CBLB: variants seen among roughly 807,000 people sequenced by gnomAD.
CBLB encodes the protein Cbl proto-oncogene B.
Under a neutral mutation model 104.9 loss-of-function variants are expected in CBLB, and 31 were observed. That is an observed-to-expected ratio of 0.30 (90% CI 0.22 to 0.40). The LOEUF (loss-of-function observed/expected upper bound fraction) is 0.40, where lower values mean the gene tolerates loss of function less well. Ranked by LOEUF, CBLB falls within the 10% of genes least tolerant of loss-of-function variation. CBLB has a pLI of 1.00. For missense variants in CBLB, 1,062 were observed against 1,214.6 expected, an observed-to-expected ratio of 0.87 and a Z score of 1.87; for synonymous variants, 440 against 422.6, an observed-to-expected ratio of 1.04 and a Z score of -0.51.
chr3:105,840,935 A>C (rs1001511491), intron 3 of CBLB, among the ~76,000 whole-genome samples: 3 of 152,242 alleles, frequency 2.0e-5, no homozygotes, highest in Admixed American at 2.0e-4. Context: ...GCTTGAAATG[A>C]AAAGTCTTTG....
chr3:105,823,016 G>C (rs896716597), intron 3 of CBLB, among the ~76,000 whole-genome samples: 1 of 152,078 alleles, frequency 6.6e-6, no homozygotes. Context: ...TATAGAATCC[G>C]TTCAATGCCC....
rs1470859066 is a variant in CBLB, at chr3:105,681,710, T to C, written c.2296+14A>G. On this transcript the variant is annotated intron_variant, in intron 15 of 18. Coordinates refer to ENST00000394030, the MANE Select transcript of CBLB (RefSeq NM_170662.5). ...AAGATGTACATCACAAAGGAAATTA[T>C]ATTCTATACGTACCCTTTAAATATA... 2.5e-6 allele frequency: 4 copies of C among 1,597,592 alleles called. No homozygotes were observed. The highest frequency in any genetic ancestry group is 8.6e-7 in the Non-Finnish European group (1 of 1,165,032).
At chr3:105,708,660 A>T (rs2070592520) in intron 10 of CBLB, among the ~76,000 whole-genome samples, 1 of 151,962 alleles carries the variant, frequency 6.6e-6, no homozygotes, top group Non-Finnish European at 1.5e-5. Context: ...TTCAGTTATA[A>T]TATAAAGAGG....
intron 18 of CBLB, among the ~76,000 whole-genome samples, chr3:105,661,095 G>C (rs75796773): frequency 0.03 from 4,543 of 151,804 alleles, 132 homozygotes; most frequent in East Asian, 0.13. Context: ...GAGCCACCAC[G>C]TCCGGCCATG....
intron 12 of CBLB, among the ~76,000 whole-genome samples, chr3:105,698,948 C>G (rs1429677484): frequency 6.6e-6 from 1 of 151,968 alleles, no homozygotes; most frequent in Non-Finnish European, 1.5e-5. Context: ...ACATAAAAAC[C>G]TGTCCCTTTG....
intron 2 of CBLB, among the ~76,000 whole-genome samples, chr3:105,854,165 A>AAC (rs2091299383): frequency 6.6e-6 from 1 of 152,204 alleles, no homozygotes; most frequent in African/African-American, 2.4e-5. Flanking sequence ...TAACTGAGTT[A>AAC]TTAAGTAGTA....
At chr3:105,729,617 A>G (rs778252107) in intron 9 of CBLB, among the ~76,000 whole-genome samples, 5 of 152,112 alleles carry the variant, frequency 3.3e-5, no homozygotes, top group Non-Finnish European at 7.4e-5. Context: ...ATTTCTCTAT[A>G]TATGTACAAG....
At chr3:105,685,580 A>G (rs953902900) in intron 13 of CBLB, 114 bp from the exon 14 acceptor site, 9 of 814,366 alleles carry the variant, frequency 1.1e-5, no homozygotes, top group African/African-American at 1.7e-5. Context: ...TCATTTTTCA[A>G]TTACAGGGTA....
At chr3:105,819,208 C>T (rs2085473203) in intron 3 of CBLB, among the ~76,000 whole-genome samples, 1 of 152,066 alleles carries the variant, frequency 6.6e-6, no homozygotes, top group Admixed American at 6.5e-5. Flanking sequence ...ATAATGAGGC[C>T]GGGTGCAGTG....
At chr3:105,758,288 C>T (rs1284263443) in intron 4 of CBLB, among the ~76,000 whole-genome samples, 1 of 152,134 alleles carries the variant, frequency 6.6e-6, no homozygotes, top group Non-Finnish European at 1.5e-5. Flanking sequence ...ACCATAGTTA[C>T]CAAGGATATT....
At chr3:105,831,481 T>C (rs998393935) in intron 3 of CBLB, among the ~76,000 whole-genome samples, 16 of 152,342 alleles carry the variant, frequency 1.1e-4, no homozygotes, top group African/African-American at 3.6e-4. Context: ...AGCATCAAGA[T>C]AGAACTGTCT....
At chr3:105,711,861 C>T (rs2152807798) in intron 10 of CBLB, among the ~76,000 whole-genome samples, 1 of 152,114 alleles carries the variant, frequency 6.6e-6, no homozygotes, top group South Asian at 2.1e-4. Context: ...GTCTATGTTC[C>T]ACTAGTAACT....
At chr3:105,786,061 C>CGGA (rs1553794621) in intron 3 of CBLB, among the ~76,000 whole-genome samples, 8 of 79,200 alleles carry the variant, frequency 1.0e-4, no homozygotes, top group Admixed American at 8.4e-4. Flanking sequence ...GTGAGAGGAT[C>CGGA]GGGGGGGGGA....
chr3:105,771,551 A>C (rs2078874953), intron 4 of CBLB, among the ~76,000 whole-genome samples: 1 of 152,140 alleles, frequency 6.6e-6, no homozygotes, highest in East Asian at 1.9e-4. Context: ...AATAAAAAAA[A>C]AGAAAGAAGA....
chr3:105,715,218 T>G (rs952235482), intron 10 of CBLB, among the ~76,000 whole-genome samples: 8 of 152,182 alleles, frequency 5.3e-5, no homozygotes, highest in African/African-American at 1.9e-4. Flanking sequence ...TCCTGGACTT[T>G]GTCTGAGGGC....
At chr3:105,776,993 A>C (rs2079557155) in intron 3 of CBLB, among the ~76,000 whole-genome samples, 1 of 152,182 alleles carries the variant, frequency 6.6e-6, no homozygotes, top group Non-Finnish European at 1.5e-5. Context: ...GAGGAGAGAA[A>C]GGGAGGATGC....
At chr3:105,716,301 A>G (rs1186602968) in intron 10 of CBLB, among the ~76,000 whole-genome samples, 1 of 152,160 alleles carries the variant, frequency 6.6e-6, no homozygotes, top group Non-Finnish European at 1.5e-5. Flanking sequence ...AATATGCATA[A>G]GATTAGGTCA....
In CBLB at chr3:105,704,031, C is replaced by T. The variant is rs1439970968; in HGVS notation, c.1550G>A (p.Gly517Asp). 6 of 1,614,024 alleles carry T rather than the reference C, an allele frequency of 3.7e-6. No homozygotes were observed. The highest frequency in any genetic ancestry group is 1.7e-5 in the Admixed American group (1 of 59,996). The change falls in exon 11 of 19, where the codon GGC becomes GAC. Residue 517 changes from glycine to aspartate, a missense_variant. By Grantham distance (94) the Gly-to-Asp change is moderately conservative. Around this residue, in one of 2 missense-constraint regions of CBLB, gnomAD observed 605 missense variants for 582.6 expected, o/e 1.04. Coordinates refer to ENST00000394030, the MANE Select transcript of CBLB (RefSeq NM_170662.5). ...GCTGCCACAGGGAGATCTAACTATG[C>T]CTTTCTGAATTAGATCCAGGCGAGG... Reference protein sequence around the residue: ...VPPRLDLIQKGIVRSPCGSPT... With the variant: ...VPPRLDLIQKDIVRSPCGSPT...
At chr3:105,804,605 C>T (rs1008404290) in intron 3 of CBLB, among the ~76,000 whole-genome samples, 3 of 151,670 alleles carry the variant, frequency 2.0e-5, no homozygotes, top group South Asian at 2.1e-4. Flanking sequence ...TTTTAGGTTA[C>T]ATAAAATAGA....
Sources: gnomAD v4.1 joint callset for allele counts (sites outside exome capture counted in the v4.1 genomes callset) on GRCh38, gnomAD v4.1.1 for gene constraint, gnomAD v4.1.1 regional missense constraint, MANE v1.5 for transcripts, NCBI Gene and HGNC (gene_info 2026-07-23, HGNC 2026-07-21) for gene names.